PRRT4: variants seen among roughly 807,000 people sequenced by gnomAD.
PRRT4 encodes the protein proline rich transmembrane protein 4.
A neutral mutation model predicts 55.6 loss-of-function variants in PRRT4; 59 were observed. The ratio of observed to expected loss-of-function variants is 1.06; its 90% confidence interval spans 0.86 to 1.32. PRRT4 has a LOEUF of 1.32. PRRT4 is among the 40% of genes most tolerant of loss of function. The pLI is 0.00. For synonymous variants in PRRT4, 606 were observed against 601.8 expected (o/e 1.01, Z -0.10); for missense variants, 1,217 against 1,222.0 (o/e 1.00, Z 0.06).
chr7:128,352,050 G>A, exon 5 of PRRT4: 1 of 1,252,822 alleles, frequency 8.0e-7, no homozygotes, highest in Non-Finnish European at 1.0e-6. Flanking sequence ...CGAGAAAGGC[G>A]TGCAGCCCGC....
chr7:128,354,167 G>C (rs574067255), intron 4 of PRRT4, among the ~76,000 whole-genome samples: 1 of 152,288 alleles, frequency 6.6e-6, no homozygotes, highest in East Asian at 1.9e-4. Flanking sequence ...TCACCCAACT[G>C]CCTGGCCCTG....
chr7:128,352,273 A>C (rs2116447157), exon 5 of PRRT4: 1 of 1,543,338 alleles, frequency 6.5e-7, no homozygotes, highest in Non-Finnish European at 8.7e-7. Flanking sequence ...GAGCGCGGGC[A>C]GTCGATCCCT....
exon 5 of PRRT4, chr7:128,350,983 G>T: frequency 6.4e-7 from 1 of 1,551,012 alleles, no homozygotes; most frequent in Non-Finnish European, 8.7e-7. Flanking sequence ...GTCGCGAGAG[G>T]GTGGGGACAG....
At position 128,352,782 on chromosome 7, in the gene PRRT4, G is replaced by A. The variant is rs939802693; in HGVS notation, c.878-104C>T. On this transcript the variant is annotated intron_variant, in intron 4 of 4. Coordinates refer to ENST00000535159, the Ensembl canonical transcript of PRRT4. ...CAGTCAGAGTCCCCTACCGTATCCA[G>A]GACACACTTGTCTTACATATGAGAC... 9.6e-6 allele frequency: 11 copies of A among 1,150,926 alleles called. No individual in the cohort carries two copies. The Admixed American group carries it at 2.0e-4, about 21-fold the overall frequency. 71.3% of individuals were successfully genotyped at this position (1,150,926 alleles called of 1,614,324 possible).
chr7:128,358,942 T>C lies in PRRT4; in HGVS notation c.758-142A>G, dbSNP rs1256787032. The C allele has an allele frequency of 6.6e-6, 9 of 1,362,722 alleles. No individual in the cohort carries two copies. Among genetic ancestry groups the C allele is most frequent in the Non-Finnish European group, 7.9e-6 (8 of 1,017,598 alleles). The allele number at this position is 1,362,722 out of a possible 1,614,324, so 84.4% of individuals were successfully genotyped here. Reference sequence around the variant, plus strand: ...GAATTGTAGCCACATGCTAAGCTCATGTACACCATGAGCTAAGCTACAAAG... The same window carrying C: ...GAATTGTAGCCACATGCTAAGCTCACGTACACCATGAGCTAAGCTACAAAG... On this transcript the variant is annotated intron_variant, in intron 3 of 4. Coordinates refer to ENST00000535159, the Ensembl canonical transcript of PRRT4. This position sits in a 1 kb window ranked among gnomAD's most constrained non-coding sequence, Gnocchi z 4.4.
At chr7:128,354,669 A>T (rs1343851756) in intron 4 of PRRT4, among the ~76,000 whole-genome samples, 1 of 152,124 alleles carries the variant, frequency 6.6e-6, no homozygotes, top group Non-Finnish European at 1.5e-5. Context: ...GAGAACAAGG[A>T]AAAGGAAGGA....
In PRRT4 at chr7:128,358,744, T is replaced by G; in HGVS notation, c.814A>C (p.Ser272Arg). ...GCAGCTGGGTCCAGAGGACTTGGGC[T>G]GGAGAGCTTCCTCTCCAGGGAGTAT... The change falls in exon 4 of 5, where the codon AGC (serine) becomes CGC (arginine). Residue 272 changes from serine to arginine, a missense_variant. By Grantham distance (110) the Ser-to-Arg change is moderately radical (BLOSUM62 -1). Transcript: ENST00000535159. The surrounding 1 kb of genome is among the most constrained non-coding windows in gnomAD (Gnocchi z 4.4). 6.4e-7 allele frequency: 1 copy of G among 1,551,682 alleles called. No homozygotes were observed. The highest frequency in any genetic ancestry group is 8.7e-7 in the Non-Finnish European group (1 of 1,146,976).
intron 4 of PRRT4, among the ~76,000 whole-genome samples, chr7:128,355,094 T>C (rs1222700065): frequency 6.6e-6 from 1 of 152,220 alleles, no homozygotes; most frequent in Non-Finnish European, 1.5e-5. Context: ...CCTTTCACAG[T>C]CCTAAACTTG....
chr7:128,360,518 A>G (rs1797223332), intron 1 of PRRT4, among the ~76,000 whole-genome samples: 1 of 152,032 alleles, frequency 6.6e-6, no homozygotes, highest in African/African-American at 2.4e-5. Flanking sequence ...CCCCAGCCAG[A>G]AGTGCTGGCG....
At chr7:128,351,437 A>C (rs1584677402) in exon 5 of PRRT4, 3 of 1,526,284 alleles carry the variant, frequency 2.0e-6, no homozygotes, top group Non-Finnish European at 2.6e-6. Context: ...GAAGCCGGGG[A>C]CGGGGCCGGG....
exon 5 of PRRT4, chr7:128,352,240 A>G (rs1159870331): frequency 6.5e-7 from 1 of 1,539,710 alleles, no homozygotes; most frequent in Non-Finnish European, 8.7e-7. Context: ...GGGCAGCGGA[A>G]GGTCCTGCAG....
rs890814810 is a variant in PRRT4 at position 128,351,998 on chromosome 7, C to G, written c.1558G>C (p.Gly520Arg). Residue 520 changes from glycine (G) to arginine (R), a missense_variant, in exon 5 of 5, where the codon GGC (glycine) becomes CGC (arginine). Transcript: ENST00000535159. Reference sequence around the variant, plus strand: ...GCCCCGGCCCGCCGCCGCCGCCCGCCCCAGCAGGAGAGCGCCAGCAGCAGC... The same window carrying G: ...GCCCCGGCCCGCCGCCGCCGCCCGCGCCAGCAGGAGAGCGCCAGCAGCAGC... 1.2e-4 allele frequency: 157 copies of G among 1,314,258 alleles called. No individual in the cohort carries two copies. Among genetic ancestry groups the G allele is most frequent in the Non-Finnish European group, 1.5e-4 (155 of 1,028,956 alleles). 81.4% of individuals were successfully genotyped at this position (1,314,258 alleles called of 1,614,324 possible).
intron 2 of PRRT4, 31 bp downstream of exon 3, chr7:128,359,309 G>A: frequency 6.6e-7 from 1 of 1,518,670 alleles, no homozygotes; most frequent in South Asian, 1.3e-5. Flanking sequence ...TGCCCAGCAG[G>A]GGCTTTCCTT....
intron 4 of PRRT4, 78 bp from the exon 6 acceptor site, chr7:128,352,756 C>A: frequency 7.6e-7 from 1 of 1,321,790 alleles, no homozygotes; most frequent in Non-Finnish European, 1.0e-6. Flanking sequence ...AGCCTGAATG[C>A]CAGTCAGAGT....
Position 128,357,294 on chromosome 7 carries a change from G to A in PRRT4, c.877+1387C>T, listed in dbSNP as rs373602426. 8.6e-5 allele frequency among the ~76,000 whole-genome samples: 13 copies of A among 151,036 alleles called. No homozygotes were observed. In the East Asian group the frequency reaches 1.2e-3, roughly 14 times the overall value. ...GCTGGCAAGAGCAAGGCCCATTGGC[G>A]TTCTCTCCAGGAGGCCTATAGCTCT... On this transcript the variant is annotated intron_variant, in intron 4 of 4. Coordinates refer to ENST00000535159, the Ensembl canonical transcript of PRRT4.
At position 128,353,457 on chromosome 7, in the gene PRRT4, G is replaced by GCA. The variant is rs138190898; in HGVS notation, c.878-781_878-780dup. Among the ~76,000 whole-genome samples, 490 of 149,912 alleles carry GCA rather than the reference G, an allele frequency of 3.3e-3. 1 individual carries two copies. Among genetic ancestry groups the GCA allele is most frequent in the African/African-American group, 5.0e-3 (203 of 40,938 alleles). ...CACACATGTGCATACACACATACAC[G>GCA]CACACACACACACACACGTACATCA... On this transcript the variant is annotated intron_variant, in intron 4 of 4. Coordinates refer to ENST00000535159, the Ensembl canonical transcript of PRRT4.
At chr7:128,359,792 C>G (rs1477940077) in exon 2 of PRRT4, 1 of 1,534,594 alleles carries the variant, frequency 6.5e-7, no homozygotes, top group Non-Finnish European at 8.8e-7. Flanking sequence ...TGGGCTCCCC[C>G]AGACAGCAGC....
upstream of PRRT4, chr7:128,361,721 C>G (rs1797264384): frequency 6.5e-6 from 1 of 152,814 alleles, no homozygotes; most frequent in Non-Finnish European, 1.5e-5. Flanking sequence ...GCCCTCGCTC[C>G]CGCGCCCTCT....
chr7:128,354,563 CA>C (rs66484726), intron 4 of PRRT4, among the ~76,000 whole-genome samples: 4 of 147,368 alleles, frequency 2.7e-5, no homozygotes, highest in East Asian at 2.0e-4. Flanking sequence ...GACTCTGGCT[CA>C]AAAAAAACAC....
Sources: allele counts gnomAD v4.1 joint callset (sites outside exome capture counted in the v4.1 genomes callset), GRCh38; gene constraint gnomAD v4.1.1; non-coding constraint Gnocchi (gnomAD v3.1); transcripts MANE v1.5; gene names NCBI Gene and HGNC (gene_info 2026-07-23, HGNC 2026-07-21).